The following WDR47 variants were observed in gnomAD, a reference collection of about 807,000 sequenced individuals.
WDR47 encodes the protein WD repeat-containing protein 47.
WDR47 carries 32 observed loss-of-function variants against 97.2 expected under a neutral mutation model. That is an observed-to-expected ratio of 0.33 (90% confidence interval 0.25 to 0.44). The LOEUF is 0.44. Ranked by LOEUF, WDR47 falls within the 20% of genes least tolerant of loss-of-function variation. The pLI, the probability that WDR47 is intolerant of heterozygous loss-of-function variation, is 1.00. For missense variants in WDR47, 782 were observed against 1,102.3 expected, an observed-to-expected ratio of 0.71 and a Z score of 4.11; for synonymous variants, 375 against 373.5, an observed-to-expected ratio of 1.00 and a Z score of -0.05.
Position 109,001,954 on chromosome 1 carries a change from A to T in WDR47, c.1433+270T>A, listed in dbSNP as rs1457266677. On this transcript the variant is annotated intron_variant, in intron 7 of 14. Coordinates refer to ENST00000369962, the MANE Select transcript of WDR47 (RefSeq NM_001142551.2). ...CTAGAGTGACTTCCCCTAGATCCGC[A>T]GTTACCCTGGGAGAGCTGGATCCAC... 3.3e-5 allele frequency among the ~76,000 whole-genome samples: 5 copies of T among 151,694 alleles called. No individual in the cohort carries two copies. In the East Asian group the frequency reaches 9.7e-4, roughly 29 times the overall value.
chr1:109,019,169 G>A (rs1571230882), intron 2 of WDR47, among the ~76,000 whole-genome samples: 1 of 151,902 alleles, frequency 6.6e-6, no homozygotes, highest in Non-Finnish European at 1.5e-5. Flanking sequence ...GATCACCTGA[G>A]GTCAGGAGTT....
Position 109,007,313 on chromosome 1 carries a change from T to C in WDR47, c.1131-2598A>G, listed in dbSNP as rs1660698548. Among the ~76,000 whole-genome samples, 2 of 151,294 alleles carry C rather than the reference T, an allele frequency of 1.3e-5. 1 individual carries two copies. Among genetic ancestry groups the C allele is most frequent in the South Asian group, 4.2e-4 (2 of 4,812 alleles). On this transcript the variant is annotated intron_variant, in intron 5 of 14. Transcript: ENST00000369962. The stretch of plus-strand genomic sequence containing the variant: ...AGCATACTTGGTCTAGTTGAGCTTC[T>C]ATATATATAACATTTAAAAAAACAA...
chr1:108,974,501 G>A, intron 14 of WDR47, 35 bp downstream of exon 14: 1 of 1,581,144 alleles, frequency 6.3e-7, no homozygotes, highest in East Asian at 2.2e-5. Context: ...AATAGAACAG[G>A]AAAGACTAAA....
intron 10 of WDR47, among the ~76,000 whole-genome samples, chr1:108,984,921 A>G (rs1658660553): frequency 6.6e-6 from 1 of 152,134 alleles, no homozygotes; most frequent in Non-Finnish European, 1.5e-5. Context: ...TAGAGAACAG[A>G]CCAGATAAAA....
At position 108,970,386 on chromosome 1, in the gene WDR47, T is replaced by A. The variant is rs1657367487; in HGVS notation, c.*1044A>T. 2 of 152,690 alleles carry A rather than the reference T, an allele frequency of 1.3e-5. No individual in the cohort carries two copies. Among genetic ancestry groups the A allele is most frequent in the African/African-American group, 4.8e-5 (2 of 41,564 alleles). 9.5% of individuals were successfully genotyped at this position (152,690 alleles called of 1,614,324 possible). A position where few individuals can be genotyped will look rare whatever the true frequency, so the allele number is the denominator to read the frequency against. ...TAAATAAAATAGCCTATTTAAATAA[T>A]TTAAAGTAAAATTACTGTACAATAT... On this transcript the variant is annotated 3_prime_UTR_variant, in exon 15 of 15. Coordinates refer to ENST00000369962, the MANE Select transcript of WDR47 (RefSeq NM_001142551.2).
chr1:108,974,260 C>T lies in WDR47; in HGVS notation c.2617+276G>A, dbSNP rs576440530. 3.9e-5 allele frequency among the ~76,000 whole-genome samples: 6 copies of T among 152,242 alleles called. 1 individual carries two copies. Among genetic ancestry groups the T allele is most frequent in the East Asian group, 1.9e-4 (1 of 5,174 alleles). On this transcript the variant is annotated intron_variant, in intron 14 of 14. Coordinates refer to ENST00000369962, the MANE Select transcript of WDR47 (RefSeq NM_001142551.2). ...ATCCCAGCACTTTGGGAGACGAAGG[C>T]GGATGGATCACTTGAGCCCAGGAGT...
Position 109,020,244 on chromosome 1 carries a change from T to G in WDR47, c.159-2643A>C, listed in dbSNP as rs137927878. On this transcript the variant is annotated intron_variant, in intron 2 of 14. Transcript: ENST00000369962. Reference sequence around the variant, plus strand: ...ATGAACATATTTAGTTGTTTTTTTTTTTTTTTTTTTGAGACAGAGTCTTGC... The same window carrying G: ...ATGAACATATTTAGTTGTTTTTTTTGTTTTTTTTTTGAGACAGAGTCTTGC... 6.1e-3 allele frequency among the ~76,000 whole-genome samples: 923 copies of G among 151,712 alleles called. 5 individuals are homozygous for G. Among genetic ancestry groups the G allele is most frequent in the African/African-American group, 0.021 (850 of 41,420 alleles).
In WDR47 at chr1:108,971,499, G is replaced by A; in HGVS notation, c.2691C>T (p.His897=). ...ATGACAGGAAGGAAAGATCCTGGGTGTGCCATCTGCACTGAATCACTTTGT... is the reference window on the plus strand; with the variant it reads ...ATGACAGGAAGGAAAGATCCTGGGTATGCCATCTGCACTGAATCACTTTGT... The part of the protein sequence containing the change: ...HKDKVIQCRW[H]TQDLSFLSSS... The change falls in exon 15 of 15, where the codon CAC becomes CAT. Residue 897 remains histidine (H), a synonymous_variant. Coordinates refer to ENST00000369962, the MANE Select transcript of WDR47 (RefSeq NM_001142551.2). The A allele has an allele frequency of 6.2e-7, 1 of 1,614,170 alleles. No homozygotes were observed. The highest frequency in any genetic ancestry group is 1.1e-5 in the South Asian group (1 of 91,084).
intron 1 of WDR47, among the ~76,000 whole-genome samples, chr1:109,040,061 A>T (rs1042802749): frequency 2.7e-5 from 4 of 150,380 alleles, no homozygotes. Flanking sequence ...AAAAAAAGGT[A>T]ATCAACAGAT....
intron 7 of WDR47, among the ~76,000 whole-genome samples, chr1:109,001,047 C>T (rs1206334923): frequency 6.6e-6 from 1 of 152,114 alleles, no homozygotes; most frequent in Non-Finnish European, 1.5e-5. Context: ...GTAATCCCAG[C>T]ACTTTGGGAG....
At chr1:109,014,769 G>C (rs1235791713) in intron 3 of WDR47, among the ~76,000 whole-genome samples, 2 of 152,080 alleles carry the variant, frequency 1.3e-5, no homozygotes, top group Non-Finnish European at 2.9e-5. Context: ...GTTTTTCAGA[G>C]GGGAAGGGAT....
intron 13 of WDR47, among the ~76,000 whole-genome samples, chr1:108,977,984 C>CAAA (rs953176965): frequency 9.5e-6 from 1 of 105,744 alleles, no homozygotes; most frequent in African/African-American, 3.4e-5. Flanking sequence ...AACACTCTCT[C>CAAA]AAAAAAAAAA....
Position 109,011,468 on chromosome 1 carries a change from C to T in WDR47, c.578G>A (p.Arg193His), listed in dbSNP as rs150518582. 4 of 1,614,048 alleles carry T rather than the reference C, an allele frequency of 2.5e-6. No homozygotes were observed. Among genetic ancestry groups the T allele is most frequent in the African/African-American group, 1.3e-5 (1 of 74,920 alleles). Residue 193 changes from arginine (R) to histidine (H), a missense_variant, in exon 5 of 15, where the codon CGT becomes CAT. By Grantham distance (29) the Arg-to-His change is conservative (BLOSUM62 0). Coordinates refer to ENST00000369962, the MANE Select transcript of WDR47 (RefSeq NM_001142551.2). Reference protein sequence around the residue: ...SEAGFKASNNRLFQLVMKGLL... With the variant: ...SEAGFKASNNHLFQLVMKGLL... ...GCCTTTCATTACAAGCTGAAATAAA[C>T]GATTGTTACTAGCCTTAAAACCAGC... is the stretch of plus-strand genomic sequence containing the variant.
chr1:108,998,714 T>C (rs374880763), intron 7 of WDR47, among the ~76,000 whole-genome samples: 1 of 152,150 alleles, frequency 6.6e-6, no homozygotes, highest in Non-Finnish European at 1.5e-5. Flanking sequence ...GATCTAATTG[T>C]GTAACACACC....
intron 9 of WDR47, among the ~76,000 whole-genome samples, chr1:108,989,577 G>A (rs1053686196): frequency 2.0e-5 from 3 of 152,154 alleles, no homozygotes; most frequent in Admixed American, 6.5e-5. Flanking sequence ...GGGTAGATAA[G>A]AGAAAAAGGG....
At chr1:109,005,828 G>A (rs553628189) in intron 5 of WDR47, among the ~76,000 whole-genome samples, 2 of 151,816 alleles carry the variant, frequency 1.3e-5, no homozygotes, top group Admixed American at 6.6e-5. Flanking sequence ...GAGATCACGC[G>A]ACTGCACTAC....
At position 109,023,414 on chromosome 1, in the gene WDR47, G is replaced by A. The variant is rs1031903393; in HGVS notation, c.99C>T (p.Ala33=). The A allele has an allele frequency of 6.2e-7, 1 of 1,613,224 alleles. No individual in the cohort carries two copies. Among genetic ancestry groups the A allele is most frequent in the Non-Finnish European group, 8.5e-7 (1 of 1,179,724 alleles). Residue 33 remains alanine (A), a synonymous_variant, in exon 2 of 15, where the codon GCC becomes GCT. Coordinates refer to ENST00000369962, the MANE Select transcript of WDR47 (RefSeq NM_001142551.2). Reference sequence around the variant, plus strand: ...TTATGACTCCACTTTCCTTCTCCAGGGCCAGCATACTAATGTGAAGCTTCT... The same window carrying A: ...TTATGACTCCACTTTCCTTCTCCAGAGCCAGCATACTAATGTGAAGCTTCT... The part of the protein sequence containing the change: ...NSKKLHISML[A]LEKESGVING...
At chr1:109,018,235 G>A (rs1339778473) in intron 2 of WDR47, among the ~76,000 whole-genome samples, 1 of 151,716 alleles carries the variant, frequency 6.6e-6, no homozygotes, top group African/African-American at 2.4e-5. Flanking sequence ...GATCACCTGA[G>A]GTCAGGAGTT....
intron 7 of WDR47, among the ~76,000 whole-genome samples, chr1:108,997,830 G>T (rs547601045): frequency 1.3e-5 from 2 of 151,160 alleles, no homozygotes; most frequent in South Asian, 4.2e-4. Context: ...GAGGAAAGAA[G>T]ATTTAGACCC....
Sources: gnomAD v4.1 joint callset for allele counts (sites outside exome capture counted in the v4.1 genomes callset) on GRCh38, gnomAD v4.1.1 for gene constraint, MANE v1.5 for transcripts, NCBI Gene and HGNC (gene_info 2026-07-23, HGNC 2026-07-21) for gene names.